GPC4: variants seen among roughly 807,000 people sequenced by gnomAD.
The protein encoded by GPC4 is glypican 4, also known as glypican-4.
Under a neutral mutation model 35.0 loss-of-function variants are expected in GPC4, and 10 were observed. The ratio of observed to expected loss-of-function variants is 0.29; its 90% CI spans 0.18 to 0.48. The LOEUF (loss-of-function observed/expected upper bound fraction) is 0.48. Ranked by LOEUF, GPC4 falls within the 20% of genes least tolerant of loss-of-function variation. The probability of loss-of-function intolerance (pLI) is 0.99; values close to 1 mark genes in which losing one functional copy is unlikely to be tolerated. For synonymous variants in GPC4, 167 were observed against 170.2 expected (o/e 0.98, Z 0.15); for missense variants, 322 against 451.3 (o/e 0.71, Z 2.60).
intron 1 of GPC4, among the ~76,000 whole-genome samples, chrX:133,400,452 A>G (rs1224369491): frequency 8.9e-6 from 1 of 112,641 alleles, no homozygotes; most frequent in Non-Finnish European, 1.9e-5. Context: ...CTAATTACCA[A>G]TTTTCAGAAT....
At chrX:133,376,324 T>TC (rs2068633038) in intron 1 of GPC4, among the ~76,000 whole-genome samples, 1 of 111,696 alleles carries the variant, frequency 9.0e-6, no homozygotes, top group African/African-American at 3.3e-5. Context: ...GCTCTCTCTG[T>TC]CCCCCAGCCC....
At chrX:133,414,032 G>A (rs776206279) in intron 1 of GPC4, among the ~76,000 whole-genome samples, 1 of 111,354 alleles carries the variant, frequency 9.0e-6, no homozygotes, top group South Asian at 3.9e-4. Flanking sequence ...TCAAAGGTCT[G>A]TAATTGAAAG....
At chrX:133,372,224 TAAAAAAAA>T (rs372391787) in intron 1 of GPC4, among the ~76,000 whole-genome samples, 1,565 of 82,464 alleles carry the variant, frequency 0.019, 37 homozygotes, top group African/African-American at 0.059. Flanking sequence ...ACTCCGTCTT[TAAAAAAAA>T]AAAAAAAAAA....
chrX:133,338,851 G>A (rs886097843), intron 2 of GPC4, among the ~76,000 whole-genome samples: 5 of 110,890 alleles, frequency 4.5e-5, no homozygotes, highest in African/African-American at 1.6e-4. Context: ...GTTTTCAGAT[G>A]CCTGCTTTTT....
intron 2 of GPC4, among the ~76,000 whole-genome samples, chrX:133,335,737 C>G (rs1316789910): frequency 1.8e-5 from 2 of 111,761 alleles, no homozygotes; most frequent in African/African-American, 6.5e-5. Context: ...CTCTACAAGC[C>G]CCCAAACTTT....
chrX:133,302,759 G>A lies in GPC4; in HGVS notation c.*108C>T. On this transcript the variant is annotated 3_prime_UTR_variant, in exon 9 of 9. Coordinates refer to ENST00000370828, the MANE Select transcript of GPC4 (RefSeq NM_001448.3). ...AACCAGTGGCCACATAGTAAAAACT[G>A]TACATTGTTGTCCATTCATTTAAAA... The A allele has an allele frequency of 1.4e-6, 1 of 716,694 alleles. No homozygotes were observed. The highest frequency in any genetic ancestry group is 2.1e-6 in the Non-Finnish European group (1 of 477,888). 59.1% of individuals were successfully genotyped at this position (716,694 alleles called of 1,213,427 possible).
intron 1 of GPC4, among the ~76,000 whole-genome samples, chrX:133,363,134 TTC>T (rs1203260443): frequency 8.9e-6 from 1 of 112,190 alleles, no homozygotes; most frequent in Non-Finnish European, 1.9e-5. Context: ...GAATGTTTAT[TTC>T]TGTGTTTTAA....
At chrX:133,403,207 G>A (rs2068773724) in intron 1 of GPC4, among the ~76,000 whole-genome samples, 2 of 111,812 alleles carry the variant, frequency 1.8e-5, no homozygotes, top group Admixed American at 1.9e-4. Flanking sequence ...GATTTAAAAA[G>A]GGTTATCTTA....
At chrX:133,303,129 C>A in intron 8 of GPC4, 37 bp downstream of exon 8, 4 of 1,207,927 alleles carry the variant, frequency 3.3e-6, no homozygotes, top group Non-Finnish European at 4.5e-6. Context: ...AGAAGACATA[C>A]AAGAGCAATT....
intron 1 of GPC4, among the ~76,000 whole-genome samples, chrX:133,408,233 T>C (rs906032928): frequency 2.7e-5 from 3 of 112,528 alleles, no homozygotes; most frequent in African/African-American, 9.7e-5. Context: ...TGTCTGTTTA[T>C]TTATATAAAA....
At chrX:133,312,627 T>A (rs2068320262) in intron 3 of GPC4, among the ~76,000 whole-genome samples, 2 of 100,560 alleles carry the variant, frequency 2.0e-5, no homozygotes, top group Non-Finnish European at 4.0e-5. Context: ...AGACTCTGTC[T>A]CAAAAGAAAG....
chrX:133,405,658 C>T (rs930264191), intron 1 of GPC4, among the ~76,000 whole-genome samples: 9 of 111,896 alleles, frequency 8.0e-5, no homozygotes, highest in Non-Finnish European at 1.5e-4. Context: ...GCCTCTAACA[C>T]GATCCCTTCC....
intron 3 of GPC4, among the ~76,000 whole-genome samples, chrX:133,315,616 A>G (rs751502830): frequency 1.6e-4 from 18 of 111,380 alleles, no homozygotes; most frequent in Non-Finnish European, 2.6e-4. Flanking sequence ...AAGTAGATTT[A>G]TTCCGTAAGA....
In GPC4 at chrX:133,310,424, T is replaced by A. The variant is rs1383202207; in HGVS notation, c.877+834A>T. On this transcript the variant is annotated intron_variant, in intron 4 of 8. Transcript: ENST00000370828. ...ATCAAGGTAATTGACAACTGGACAT[T>A]TAAATTCTCCTTAATTTGTCCTTTC... 3.6e-5 allele frequency among the ~76,000 whole-genome samples: 4 copies of A among 111,995 alleles called. No homozygotes were observed. In the Admixed American group the frequency reaches 3.8e-4, roughly 11 times the overall value.
rs1259604532 is a variant in GPC4, at chrX:133,304,732, T to C, written c.1285A>G (p.Lys429Glu). 3 of 1,211,809 alleles carry C rather than the reference T, an allele frequency of 2.5e-6. No homozygotes were observed. Among genetic ancestry groups the C allele is most frequent in the South Asian group, 1.8e-5 (1 of 56,968 alleles). Residue 429 changes from lysine to glutamate, a missense_variant, in exon 7 of 9, where the codon AAA (lysine) becomes GAA (glutamate). By Grantham distance (56) the Lys-to-Glu change is moderately conservative. This residue lies in a region of GPC4 where 99 missense variants were observed against 110.0 expected (regional missense o/e 0.90). Transcript: ENST00000370828. The part of the protein sequence containing the change: ...NEDDCWNGKG[K>E]SRYLFAVTGN... The stretch of plus-strand genomic sequence containing the variant: ...CATTCAACAGACACTAACCTGCTTT[T>C]GCCTTTCCCATTCCAACAGTCATCC...
chrX:133,414,093 C>T (rs1443041397), intron 1 of GPC4, among the ~76,000 whole-genome samples: 2 of 111,108 alleles, frequency 1.8e-5, no homozygotes, highest in African/African-American at 6.5e-5. Context: ...GGGAAAAATA[C>T]TCCTCTGGTC....
At chrX:133,335,329 A>G (rs765783391) in intron 2 of GPC4, among the ~76,000 whole-genome samples, 1 of 111,485 alleles carries the variant, frequency 9.0e-6, no homozygotes, top group African/African-American at 3.3e-5. Flanking sequence ...AAAAAATGAT[A>G]GCATAGAAAA....
chrX:133,325,965 A>T (rs1461556153), intron 2 of GPC4, among the ~76,000 whole-genome samples: 1 of 110,250 alleles, frequency 9.1e-6, no homozygotes, highest in East Asian at 2.9e-4. Flanking sequence ...AGGCCTGAGG[A>T]TGAAGTCCAC....
At chrX:133,324,639 CAATT>C (rs2124121035) in intron 2 of GPC4, 103 bp from the exon 3 acceptor site, 2 of 800,652 alleles carry the variant, frequency 2.5e-6, no homozygotes, top group East Asian at 3.3e-5. Flanking sequence ...AAAAAAAACA[CAATT>C]AAATTGGAAA....
Sources: gnomAD v4.1 joint callset for allele counts (sites outside exome capture counted in the v4.1 genomes callset) on GRCh38, gnomAD v4.1.1 for gene constraint, gnomAD v4.1.1 regional missense constraint, MANE v1.5 for transcripts, NCBI Gene and HGNC (gene_info 2026-07-23, HGNC 2026-07-21) for gene names.